Variants in AP1B1 observed in about 807,000 individuals in gnomAD.
The protein encoded by AP1B1 is adaptor related protein complex 1 subunit beta 1.
AP1B1 carries 36 observed loss-of-function variants against 104.3 expected under a neutral mutation model. The ratio of observed to expected loss-of-function variants is 0.35; its 90% confidence interval spans 0.26 to 0.46. The LOEUF is 0.46. Ranked by LOEUF, AP1B1 falls within the 20% of genes least tolerant of loss-of-function variation. AP1B1 has a pLI of 1.00. For missense variants in AP1B1, 901 were observed against 1,247.9 expected (o/e 0.72, Z 4.19); for synonymous variants, 504 against 517.5 (o/e 0.97, Z 0.35).
chr22:29,334,845 C>T (rs2061614631), intron 16 of AP1B1, among the ~76,000 whole-genome samples: 1 of 152,206 alleles, frequency 6.6e-6, no homozygotes, highest in South Asian at 2.1e-4. Flanking sequence ...GCCTTCCTGG[C>T]CATCACCGCC....
chr22:29,378,133 T>C (rs2062375348), intron 1 of AP1B1, among the ~76,000 whole-genome samples: 1 of 150,874 alleles, frequency 6.6e-6, no homozygotes, highest in Admixed American at 6.6e-5. Flanking sequence ...TACAGGTTAT[T>C]TTAGGGCCAG....
chr22:29,353,034 A>G (rs1168801954), intron 7 of AP1B1, among the ~76,000 whole-genome samples: 1 of 152,038 alleles, frequency 6.6e-6, no homozygotes, highest in African/African-American at 2.4e-5. Flanking sequence ...CACCCACCAC[A>G]TTTTTCCTGA....
At position 29,350,015 on chromosome 22, in the gene AP1B1, C is replaced by T; in HGVS notation, c.1271+20G>A. ...CCAGGCAGAGCTAGATGCCCTCTCCCTAGGAGGGCGGGCACGCACTTGTTG... is the reference window on the plus strand; with the variant it reads ...CCAGGCAGAGCTAGATGCCCTCTCCTTAGGAGGGCGGGCACGCACTTGTTG... On this transcript the variant is annotated intron_variant, in intron 10 of 22. Coordinates refer to ENST00000357586, the MANE Select transcript of AP1B1 (RefSeq NM_001127.4). 1 of 1,600,372 alleles carries T rather than the reference C, an allele frequency of 6.2e-7. No homozygotes were observed. The highest frequency in any genetic ancestry group is 8.6e-7 in the Non-Finnish European group (1 of 1,167,532).
At position 29,341,170 on chromosome 22, in the gene AP1B1, G is replaced by A. The variant is rs73403032; in HGVS notation, c.1797-313C>T. ...CCACACCAACCACCTGGGAACAACA[G>A]AGGAGGAGGCGCAGACAGGGATCTG... On this transcript the variant is annotated intron_variant, in intron 13 of 22. Coordinates refer to ENST00000357586, the MANE Select transcript of AP1B1 (RefSeq NM_001127.4). Among the ~76,000 whole-genome samples the A allele has an allele frequency of 5.3e-3, 805 of 152,366 alleles. 6 individuals are homozygous for A. Among genetic ancestry groups the A allele is most frequent in the African/African-American group, 0.018 (767 of 41,588 alleles).
chr22:29,344,110 C>CA (rs58337637), intron 11 of AP1B1, among the ~76,000 whole-genome samples: 1,450 of 89,664 alleles, frequency 0.016, 10 homozygotes, highest in Admixed American at 0.037. Context: ...GACTTTGTCT[C>CA]AAAAAAAAAA....
At chr22:29,354,905 A>G (rs2147991070) in intron 6 of AP1B1, 34 bp from the exon 7 acceptor site, 1 of 1,575,772 alleles carries the variant, frequency 6.3e-7, no homozygotes, top group East Asian at 2.2e-5. Context: ...GGCAAACAGG[A>G]AAGACAAGGG....
In AP1B1 at chr22:29,359,872, G is replaced by A. The variant is rs1204753852; in HGVS notation, c.231C>T (p.Ala77=). Residue 77 remains alanine, a synonymous_variant, in exon 4 of 23, where the codon GCC becomes GCT. Transcript: ENST00000357586. ...KLVYLYLMNY[A]KSQPDMAIMA... Reference sequence around the variant, plus strand: ...TAATGGCCATGTCAGGCTGACTCTTGGCGTAATTCATCAAGTAGAGGTATA... The same window carrying A: ...TAATGGCCATGTCAGGCTGACTCTTAGCGTAATTCATCAAGTAGAGGTATA... 2 of 1,614,020 alleles carry A rather than the reference G, an allele frequency of 1.2e-6. No individual in the cohort carries two copies. Among genetic ancestry groups the A allele is most frequent in the South Asian group, 2.2e-5 (2 of 90,988 alleles).
intron 10 of AP1B1, 85 bp downstream of exon 10, chr22:29,349,947 AGAG>A (rs2061848432): frequency 1.4e-5 from 14 of 1,031,544 alleles, no homozygotes; most frequent in Non-Finnish European, 2.0e-5. Flanking sequence ...GAAGTAAGGA[AGAG>A]GAGATTCCTC....
chr22:29,378,458 TG>T (rs1280647382), intron 1 of AP1B1, among the ~76,000 whole-genome samples: 2 of 139,718 alleles, frequency 1.4e-5, no homozygotes, highest in Non-Finnish European at 3.0e-5. Flanking sequence ...GAGCCTGAGG[TG>T]GGAAGATTGC....
chr22:29,354,116 G>T (rs77668681), intron 7 of AP1B1, among the ~76,000 whole-genome samples: 1 of 152,164 alleles, frequency 6.6e-6, no homozygotes, highest in Non-Finnish European at 1.5e-5. Flanking sequence ...GAGTGAGTCC[G>T]ATGTACCTCT....
At chr22:29,366,375 C>T (rs967038873) in intron 2 of AP1B1, among the ~76,000 whole-genome samples, 24 of 152,164 alleles carry the variant, frequency 1.6e-4, no homozygotes, top group Admixed American at 3.3e-4. Context: ...CGGTGGCTCA[C>T]GCCTGTAATC....
intron 1 of AP1B1, among the ~76,000 whole-genome samples, chr22:29,377,897 C>T (rs537597202): frequency 6.6e-6 from 1 of 151,698 alleles, no homozygotes; most frequent in East Asian, 1.9e-4. Flanking sequence ...AACTGAAGTA[C>T]CAGGGAGGTC....
chr22:29,356,366 G>A, intron 6 of AP1B1, 60 bp downstream of exon 6: 1 of 1,523,550 alleles, frequency 6.6e-7, no homozygotes, highest in Middle Eastern at 2.1e-4. Flanking sequence ...GTGCCTGGTT[G>A]GAGCCCCTGA....
At chr22:29,331,595 A>T (rs1425699048) in intron 18 of AP1B1, 62 bp from the exon 19 acceptor site, 2 of 1,597,400 alleles carry the variant, frequency 1.3e-6, no homozygotes, top group Non-Finnish European at 1.7e-6. Context: ...AGGCCCCAGG[A>T]AGAGTGTCAC....
At chr22:29,357,146 C>A (rs2061972184) in intron 5 of AP1B1, among the ~76,000 whole-genome samples, 1 of 151,864 alleles carries the variant, frequency 6.6e-6, no homozygotes, top group Non-Finnish European at 1.5e-5. Flanking sequence ...TCACTGCAAC[C>A]TCCACCTCTT....
intron 1 of AP1B1, among the ~76,000 whole-genome samples, chr22:29,379,800 T>C (rs1334908982): frequency 1.3e-5 from 2 of 152,180 alleles, no homozygotes; most frequent in East Asian, 1.9e-4. Flanking sequence ...AAATTGCCAA[T>C]GTGACAACGG....
In AP1B1 at chr22:29,367,281, G is replaced by A. The variant is rs752618184; in HGVS notation, c.-27-11C>T. ...TCTGTAGCCAGGCTTCTGCAAGAGA[G>A]AGAAGAGAGGGGTGACTTTCAGTTA... On this transcript the variant is annotated splice_polypyrimidine_tract_variant and intron_variant, in intron 1 of 22. Transcript: ENST00000357586. 1.3e-5 allele frequency: 19 copies of A among 1,446,918 alleles called. No homozygotes were observed. The highest frequency in any genetic ancestry group is 1.8e-5 in the Non-Finnish European group (19 of 1,033,164). 89.6% of individuals were successfully genotyped at this position (1,446,918 alleles called of 1,614,324 possible).
At chr22:29,363,663 G>A (rs1180272407) in intron 2 of AP1B1, among the ~76,000 whole-genome samples, 1 of 151,408 alleles carries the variant, frequency 6.6e-6, no homozygotes, top group Non-Finnish European at 1.5e-5. Context: ...AAAAAAAAGA[G>A]GCTGAGGATT....
rs536197107 is a variant in AP1B1, at chr22:29,362,496, G to A, written c.143+505C>T. ...CGAGTAGCTGAGACTACAGGCATGC[G>A]CCACCATGCCCGGCTACTTTTTGTA... is the stretch of plus-strand genomic sequence containing the variant. On this transcript the variant is annotated intron_variant, in intron 3 of 22. Coordinates refer to ENST00000357586, the MANE Select transcript of AP1B1 (RefSeq NM_001127.4). Among the ~76,000 whole-genome samples the A allele has an allele frequency of 1.0e-3, 154 of 151,972 alleles. 3 individuals carry two copies. Among genetic ancestry groups the A allele is most frequent in the Non-Finnish European group, 9.1e-4 (62 of 67,946 alleles).
Sources: allele counts gnomAD v4.1 joint callset (sites outside exome capture counted in the v4.1 genomes callset), GRCh38; gene constraint gnomAD v4.1.1; transcripts MANE v1.5; gene names NCBI Gene and HGNC (gene_info 2026-07-23, HGNC 2026-07-21).